Variants in OTOGL observed in about 807,000 individuals in gnomAD.
OTOGL encodes the protein otogelin-like protein.
In OTOGL, 285 loss-of-function variants were observed where a neutral mutation model predicts 318.5. The observed-to-expected ratio is 0.89, with a 90% confidence interval of 0.81 to 0.99. The LOEUF (loss-of-function observed/expected upper bound fraction) is 0.99, where lower values mean the gene tolerates loss of function less well. Ranked by LOEUF, OTOGL falls within the 50% of genes least tolerant of loss-of-function variation. OTOGL has a pLI of 0.00. For missense variants in OTOGL, 2,899 were observed against 2,845.6 expected (o/e 1.02, Z -0.43); for synonymous variants, 987 against 936.5 (o/e 1.05, Z -0.99).
chr12:80,312,969 A>G (rs567653575), intron 30 of OTOGL, among the ~76,000 whole-genome samples: 2 of 152,228 alleles, frequency 1.3e-5, no homozygotes, highest in African/African-American at 2.4e-5. Flanking sequence ...TGCACTGTCA[A>G]TATATTAAAT....
rs374877549 is a variant in OTOGL at position 80,192,905 on chromosome 12, A to G, written c.-19-16508A>G. Among the ~76,000 whole-genome samples, 155 of 152,302 alleles carry G rather than the reference A, an allele frequency of 1.0e-3. 3 individuals are homozygous for G. In the South Asian group the frequency reaches 0.032, roughly 31 times the overall value. ...AATATTTCATGAAAAAATAAAGGTT[A>G]CTACTCAGATAATCTTTGGCTGAAA... On this transcript the variant is annotated intron_variant, in intron 1 of 58. Transcript: ENST00000547103.
chr12:80,364,560 C>T lies in OTOGL; in HGVS notation c.6268-2014C>T, dbSNP rs1030695717. Among the ~76,000 whole-genome samples, 7 of 152,062 alleles carry T rather than the reference C, an allele frequency of 4.6e-5. No individual in the cohort carries two copies. In the South Asian group the frequency reaches 6.2e-4, roughly 14 times the overall value. On this transcript the variant is annotated intron_variant, in intron 52 of 58. Coordinates refer to ENST00000547103, the MANE Select transcript of OTOGL (RefSeq NM_001378609.3). ...AAAGAAACCCTGTACCTATTGCAGT[C>T]GTTCCTCATTTCTCTCCAAACTCTC...
At chr12:80,130,186 C>G (rs548706186) in intron 1 of OTOGL, among the ~76,000 whole-genome samples, 16 of 152,236 alleles carry the variant, frequency 1.1e-4, no homozygotes, top group African/African-American at 3.9e-4. Flanking sequence ...TTTTATTGAA[C>G]AAGTCATTCC....
chr12:80,230,646 G>A (rs1276131929), intron 8 of OTOGL, among the ~76,000 whole-genome samples: 2 of 152,134 alleles, frequency 1.3e-5, no homozygotes, highest in Non-Finnish European at 2.9e-5. Context: ...GATAGAAAAA[G>A]GGTGGTCTTC....
intron 11 of OTOGL, among the ~76,000 whole-genome samples, chr12:80,242,849 CAG>C (rs1383353712): frequency 1.3e-5 from 2 of 152,068 alleles, no homozygotes; most frequent in Admixed American, 6.6e-5. Context: ...TTAACTTTAT[CAG>C]AGAGTGCCTA....
intron 1 of OTOGL, among the ~76,000 whole-genome samples, chr12:80,172,524 G>A (rs891922088): frequency 6.6e-6 from 1 of 152,090 alleles, no homozygotes; most frequent in Non-Finnish European, 1.5e-5. Context: ...AGTCCTGCAG[G>A]TCAGGAGGGC....
chr12:80,380,661 CAT>C lies in OTOGL; in HGVS notation c.*2614_*2615del, dbSNP rs1024776974. The C allele has an allele frequency of 6.6e-6, 1 of 152,036 alleles. No individual in the cohort carries two copies. The highest frequency in any genetic ancestry group is 1.5e-5 in the Non-Finnish European group (1 of 67,954). The allele number at this position is 152,036 out of a possible 1,614,324, so 9.4% of individuals were successfully genotyped here. A position where few individuals can be genotyped will look rare whatever the true frequency, so the allele number is the denominator to read the frequency against. ...GGCTCTGGGAAGATAAGCACTCTCA[CAT>C]GTCATTGATGGTAACACAAAATTGT... On this transcript the variant is annotated 3_prime_UTR_variant, in exon 59 of 59. Coordinates refer to ENST00000547103, the MANE Select transcript of OTOGL (RefSeq NM_001378609.3).
At chr12:80,362,927 T>C (rs1442905431) in intron 52 of OTOGL, among the ~76,000 whole-genome samples, 1 of 152,174 alleles carries the variant, frequency 6.6e-6, no homozygotes, top group Non-Finnish European at 1.5e-5. Flanking sequence ...TAAAAATCTA[T>C]ACAAATTGGT....
chr12:80,349,065 C>T (rs1156941101), intron 44 of OTOGL, among the ~76,000 whole-genome samples: 1 of 150,232 alleles, frequency 6.7e-6, no homozygotes, highest in Non-Finnish European at 1.5e-5. Context: ...ACAGAAGAAT[C>T]AGCTTTTGTG....
intron 32 of OTOGL, among the ~76,000 whole-genome samples, chr12:80,315,139 G>T (rs1450885147): frequency 6.6e-6 from 1 of 152,088 alleles, no homozygotes; most frequent in African/African-American, 2.4e-5. Flanking sequence ...TAGGTAGGAG[G>T]AATAAGTTCT....
intron 6 of OTOGL, among the ~76,000 whole-genome samples, chr12:80,221,180 C>T (rs947034742): frequency 6.6e-6 from 1 of 150,376 alleles, no homozygotes. Flanking sequence ...GTAGGCATGA[C>T]AATAGGAGAT....
Position 80,252,175 on chromosome 12 carries a change from G to A in OTOGL, c.1259G>A (p.Cys420Tyr), listed in dbSNP as rs1881624921. 4.4e-6 allele frequency: 7 copies of A among 1,597,070 alleles called. No homozygotes were observed. Among genetic ancestry groups the A allele is most frequent in the Non-Finnish European group, 6.0e-6 (7 of 1,170,702 alleles). The change falls in exon 13 of 59, where the codon TGT (cysteine) becomes TAT (tyrosine). Residue 420 changes from cysteine (C) to tyrosine (Y), a missense_variant. Cys to Tyr is a radical substitution (Grantham distance 194). This residue lies in a region of OTOGL where 2,607 missense variants were observed against 2,524.9 expected (regional missense o/e 1.03). Transcript: ENST00000547103. ...EKQCLGSNLH[C>Y]LDGCYCPDGL... The stretch of plus-strand genomic sequence containing the variant: ...CAATGTCTTGGGAGCAATCTCCATT[G>A]TCTTGATGGATGTTACTGCCCAGAT...
At chr12:80,235,849 A>AT (rs963832825) in intron 9 of OTOGL, among the ~76,000 whole-genome samples, 1 of 152,128 alleles carries the variant, frequency 6.6e-6, no homozygotes, top group Admixed American at 6.6e-5. Flanking sequence ...AGGCAGAGTA[A>AT]TTTTTTAAAA....
intron 24 of OTOGL, among the ~76,000 whole-genome samples, chr12:80,274,329 T>C (rs1028951351): frequency 2.6e-5 from 4 of 152,030 alleles, no homozygotes; most frequent in Admixed American, 2.0e-4. Context: ...CTAGCTGTTA[T>C]GGAGAAAGTT....
At chr12:80,224,552 G>T (rs1878648712) in intron 7 of OTOGL, among the ~76,000 whole-genome samples, 1 of 152,100 alleles carries the variant, frequency 6.6e-6, no homozygotes, top group African/African-American at 2.4e-5. Context: ...AACGAGCATG[G>T]GATGTGTTTC....
At chr12:80,301,626 A>C (rs1207577299) in intron 27 of OTOGL, among the ~76,000 whole-genome samples, 1 of 152,158 alleles carries the variant, frequency 6.6e-6, no homozygotes, top group Non-Finnish European at 1.5e-5. Context: ...TCTCATTCCC[A>C]AACCCTATAC....
chr12:80,143,155 T>C (rs1205886012), intron 1 of OTOGL, among the ~76,000 whole-genome samples: 4 of 152,140 alleles, frequency 2.6e-5, no homozygotes, highest in Non-Finnish European at 5.9e-5. Context: ...TCATATGTAA[T>C]GGAAATATAC....
intron 1 of OTOGL, among the ~76,000 whole-genome samples, chr12:80,154,567 C>T (rs898187911): frequency 6.6e-6 from 1 of 152,018 alleles, no homozygotes; most frequent in Non-Finnish European, 1.5e-5. Flanking sequence ...TTGGAGCTGA[C>T]CATTTAATGA....
chr12:80,135,671 T>C (rs533101317), intron 1 of OTOGL, among the ~76,000 whole-genome samples: 1 of 152,338 alleles, frequency 6.6e-6, no homozygotes, highest in African/African-American at 2.4e-5. Context: ...CTGTAATGGT[T>C]AATTTTATTT....
Sources: allele counts gnomAD v4.1 joint callset (sites outside exome capture counted in the v4.1 genomes callset), GRCh38; gene constraint gnomAD v4.1.1; regional missense constraint gnomAD v4.1.1; transcripts MANE v1.5; gene names NCBI Gene and HGNC (gene_info 2026-07-23, HGNC 2026-07-21).